The following NALF1 variants were observed in gnomAD, a reference collection of about 807,000 sequenced individuals.
NALF1 encodes the protein family with sequence similarity 155 member A.
Under a neutral mutation model 48.4 loss-of-function variants are expected in NALF1, and 3 were observed. The observed-to-expected ratio is 0.06, with a 90% CI of 0.03 to 0.16. The LOEUF is 0.16. NALF1 is among the 10% of genes least tolerant of loss of function. The pLI, the probability that NALF1 is intolerant of heterozygous loss-of-function variation, is 1.00. For missense variants in NALF1, 526 were observed against 571.5 expected (o/e 0.92, Z 0.81); for synonymous variants, 262 against 245.7 (o/e 1.07, Z -0.62).
At chr13:107,588,982 C>A (rs766615457) in intron 1 of NALF1, among the ~76,000 whole-genome samples, 17 of 152,062 alleles carry the variant, frequency 1.1e-4, no homozygotes, top group Non-Finnish European at 2.1e-4. Flanking sequence ...AATTTAATTG[C>A]AATCCATTTT....
chr13:107,585,501 G>T (rs964605305), intron 1 of NALF1, among the ~76,000 whole-genome samples: 2 of 152,158 alleles, frequency 1.3e-5, no homozygotes, highest in African/African-American at 4.8e-5. Context: ...TAGAGGCAAA[G>T]GAGAAAGCTT....
chr13:107,723,452 C>T (rs756335255), intron 1 of NALF1, among the ~76,000 whole-genome samples: 4 of 152,152 alleles, frequency 2.6e-5, no homozygotes, highest in Non-Finnish European at 5.9e-5. Context: ...GGTATACACA[C>T]ACATTTTTAT....
chr13:107,733,084 T>C (rs1209371191), intron 1 of NALF1, among the ~76,000 whole-genome samples: 1 of 152,148 alleles, frequency 6.6e-6, no homozygotes, highest in Non-Finnish European at 1.5e-5. Flanking sequence ...ATTAAAAGAA[T>C]CTTCACTCAA....
chr13:107,590,535 TATA>T (rs1206378764), intron 1 of NALF1, among the ~76,000 whole-genome samples: 2 of 151,950 alleles, frequency 1.3e-5, no homozygotes, highest in African/African-American at 2.4e-5. Flanking sequence ...CACTGTACAG[TATA>T]ATAATGTTTT....
At chr13:107,192,118 TAAG>T (rs974225722) in intron 2 of NALF1, among the ~76,000 whole-genome samples, 14 of 151,838 alleles carry the variant, frequency 9.2e-5, no homozygotes, top group Admixed American at 2.0e-4. Flanking sequence ...AAAAGAGAAA[TAAG>T]AAGGACCATG....
chr13:107,384,717 G>A (rs113122431), intron 1 of NALF1, among the ~76,000 whole-genome samples: 8 of 152,242 alleles, frequency 5.3e-5, no homozygotes, highest in African/African-American at 1.9e-4. Flanking sequence ...TTGAGCGTAA[G>A]TGTATTTGAA....
chr13:107,179,742 G>T (rs78363189), intron 2 of NALF1, among the ~76,000 whole-genome samples: 6 of 151,496 alleles, frequency 4.0e-5, no homozygotes, highest in African/African-American at 9.7e-5. Context: ...TCAAGGTGTG[G>T]GCAGGGCTAT....
At chr13:107,467,011 C>T (rs1167130596) in intron 1 of NALF1, among the ~76,000 whole-genome samples, 2 of 152,158 alleles carry the variant, frequency 1.3e-5, no homozygotes, top group Non-Finnish European at 2.9e-5. Flanking sequence ...TTATATTGCA[C>T]TTAACTGACA....
intron 1 of NALF1, among the ~76,000 whole-genome samples, chr13:107,413,263 A>G (rs757851323): frequency 1.3e-5 from 2 of 152,220 alleles, no homozygotes; most frequent in Non-Finnish European, 2.9e-5. Context: ...TTATGAATAA[A>G]TAACCTGGAC....
rs1448164009 is a variant in NALF1 at position 107,640,962 on chromosome 13, G to A, written c.915+224720C>T. Among the ~76,000 whole-genome samples, 5 of 152,310 alleles carry A rather than the reference G, an allele frequency of 3.3e-5. No individual in the cohort carries two copies. The South Asian group carries it at 1.0e-3, about 32-fold the overall frequency. ...CACACAAAATAAAGGAAATCAGTAT[G>A]TCAGAGATGTCTGCACTCCCAATAG... On this transcript the variant is annotated intron_variant, in intron 1 of 2. Coordinates refer to ENST00000375915, the MANE Select transcript of NALF1 (RefSeq NM_001080396.3).
At chr13:107,284,795 C>A (rs72666550) in intron 1 of NALF1, among the ~76,000 whole-genome samples, 10 of 152,008 alleles carry the variant, frequency 6.6e-5, no homozygotes, top group African/African-American at 2.4e-4. Context: ...CAGCTGCCTA[C>A]GTGCCAGAAG....
At chr13:107,661,464 T>C (rs1880732983) in intron 1 of NALF1, among the ~76,000 whole-genome samples, 1 of 152,080 alleles carries the variant, frequency 6.6e-6, no homozygotes. Flanking sequence ...TATCACAGAA[T>C]GTCCAACAAC....
intron 1 of NALF1, among the ~76,000 whole-genome samples, chr13:107,725,999 C>G (rs1450736697): frequency 1.3e-5 from 2 of 152,082 alleles, no homozygotes; most frequent in Non-Finnish European, 2.9e-5. Context: ...TCTGTGACCA[C>G]CTGGTGGATC....
At chr13:107,299,680 C>A (rs1194439393) in intron 1 of NALF1, among the ~76,000 whole-genome samples, 1 of 133,532 alleles carries the variant, frequency 7.5e-6, no homozygotes, top group East Asian at 2.2e-4. Flanking sequence ...AAGAACTGTT[C>A]CTTATTTATT....
chr13:107,553,594 C>A (rs2138386223), intron 1 of NALF1, among the ~76,000 whole-genome samples: 1 of 152,240 alleles, frequency 6.6e-6, no homozygotes, highest in African/African-American at 2.4e-5. Flanking sequence ...ATTTGCTTCT[C>A]TTAATGTCCT....
chr13:107,657,798 G>A (rs990033868), intron 1 of NALF1, among the ~76,000 whole-genome samples: 6 of 152,152 alleles, frequency 3.9e-5, no homozygotes, highest in African/African-American at 1.4e-4. Flanking sequence ...GTCAACGCCA[G>A]GCATTACTTT....
In NALF1 at chr13:107,356,020, T is replaced by A. The variant is rs143056786; in HGVS notation, c.916-145265A>T. Among the ~76,000 whole-genome samples the A allele has an allele frequency of 4.9e-3, 740 of 152,322 alleles. 6 individuals carry two copies. Among genetic ancestry groups the A allele is most frequent in the African/African-American group, 0.015 (638 of 41,562 alleles). On this transcript the variant is annotated intron_variant, in intron 1 of 2. Coordinates refer to ENST00000375915, the MANE Select transcript of NALF1 (RefSeq NM_001080396.3). ...CTTCCTAACTTCTGTCTGAAAGCTG[T>A]CTTTACTATGTCAAGTTATTGCCTT...
At chr13:107,214,282 T>C (rs1043270108) in intron 1 of NALF1, among the ~76,000 whole-genome samples, 3 of 152,118 alleles carry the variant, frequency 2.0e-5, no homozygotes, top group Non-Finnish European at 4.4e-5. Flanking sequence ...TTAAAAGTAA[T>C]AAAGAACTTC....
At chr13:107,303,053 TTTG>T (rs537037664) in intron 1 of NALF1, among the ~76,000 whole-genome samples, 3 of 152,196 alleles carry the variant, frequency 2.0e-5, no homozygotes, top group Non-Finnish European at 2.9e-5. Context: ...TATTTTATTT[TTTG>T]TTGTTGTTTG....
Sources: allele counts gnomAD v4.1 joint callset (sites outside exome capture counted in the v4.1 genomes callset), GRCh38; gene constraint gnomAD v4.1.1; transcripts MANE v1.5; gene names NCBI Gene and HGNC (gene_info 2026-07-23, HGNC 2026-07-21).